CDH22: variants seen among roughly 807,000 people sequenced by gnomAD.
CDH22 encodes cadherin 22.
In CDH22, 30 loss-of-function variants were observed where a neutral mutation model predicts 58.4. The observed-to-expected ratio is 0.51, with a 90% CI of 0.38 to 0.70. The LOEUF (loss-of-function observed/expected upper bound fraction) is 0.70. CDH22 is among the 30% of genes least tolerant of loss of function. The pLI is 0.00. For synonymous variants in CDH22, 513 were observed against 558.2 expected (o/e 0.92, Z 1.14); for missense variants, 1,014 against 1,233.9 (o/e 0.82, Z 2.67).
intron 7 of CDH22, among the ~76,000 whole-genome samples, chr20:46,209,292 G>A (rs548601674): frequency 6.6e-6 from 1 of 152,312 alleles, no homozygotes; most frequent in South Asian, 2.1e-4. Context: ...TGTAGCACAG[G>A]CCCAGAGTGC....
chr20:46,246,558 G>A (rs1242653468), intron 2 of CDH22, among the ~76,000 whole-genome samples: 1 of 152,208 alleles, frequency 6.6e-6, no homozygotes, highest in Non-Finnish European at 1.5e-5. Flanking sequence ...CTTTGAGGGT[G>A]GGTGTCGTGA....
At chr20:46,235,048 C>T (rs2145720129) in intron 3 of CDH22, among the ~76,000 whole-genome samples, 1 of 152,330 alleles carries the variant, frequency 6.6e-6, no homozygotes, top group East Asian at 1.9e-4. Context: ...ACATTGGAGG[C>T]CTTGTGTATA....
At chr20:46,185,407 G>C (rs1213458055) in intron 10 of CDH22, among the ~76,000 whole-genome samples, 1 of 152,120 alleles carries the variant, frequency 6.6e-6, no homozygotes, top group African/African-American at 2.4e-5. Flanking sequence ...GAGGCAGGAA[G>C]CACACTGGAC....
At chr20:46,204,232 A>G (rs1010666536) in intron 7 of CDH22, among the ~76,000 whole-genome samples, 9 of 152,108 alleles carry the variant, frequency 5.9e-5, no homozygotes, top group Admixed American at 2.6e-4. Context: ...GTCTCTACTA[A>G]AAATACAAAA....
chr20:46,190,885 G>A (rs562532696), intron 8 of CDH22, among the ~76,000 whole-genome samples: 2 of 152,292 alleles, frequency 1.3e-5, no homozygotes, highest in Non-Finnish European at 1.5e-5. Context: ...CCAAACTCGG[G>A]GCAGGAGAAC....
chr20:46,303,164 A>G (rs2086659610), intron 1 of CDH22, among the ~76,000 whole-genome samples: 1 of 151,714 alleles, frequency 6.6e-6, no homozygotes, highest in African/African-American at 2.4e-5. Context: ...GTTTCCCATG[A>G]CTCCCACTCC....
rs746841120 is a variant in CDH22 at position 46,216,891 on chromosome 20, G to C, written c.773C>G (p.Ser258Trp). 1 of 1,610,818 alleles carries C rather than the reference G, an allele frequency of 6.2e-7. No individual in the cohort carries two copies. Among genetic ancestry groups the C allele is most frequent in the Non-Finnish European group, 8.5e-7 (1 of 1,177,510 alleles). Residue 258 changes from serine to tryptophan, a missense_variant, in exon 5 of 12, where the codon TCG becomes TGG. Physicochemically the swap from Ser to Trp is radical, Grantham distance 177. Transcript: ENST00000537909. The surrounding 1 kb of genome is among the most constrained non-coding windows in gnomAD (Gnocchi z 5.3). Reference protein sequence around the residue: ...TDMAGQLGGLSGSTTVTIVVT... With the variant: ...TDMAGQLGGLWGSTTVTIVVT... ...TACGATGGTGACGGTAGTGGAGCCC[G>C]AGAGGCCACCCAGCTGACCCGCCAT... is the stretch of plus-strand genomic sequence containing the variant.
intron 8 of CDH22, among the ~76,000 whole-genome samples, chr20:46,193,994 A>C (rs2085879917): frequency 6.6e-6 from 1 of 152,112 alleles, no homozygotes; most frequent in Non-Finnish European, 1.5e-5. Context: ...CTCTTTACCA[A>C]AAACAAACAA....
chr20:46,300,973 T>G lies in CDH22; in HGVS notation c.-400+7282A>C, dbSNP rs1218182921. On this transcript the variant is annotated intron_variant, in intron 1 of 11. Transcript: ENST00000537909. This position sits in a 1 kb window ranked among gnomAD's most constrained non-coding sequence, Gnocchi z 4.4. ...CCATGCAGCTCTTGAAAAATGATGA[T>G]GTAGATGTATATTTATCGAAATGGC... Among the ~76,000 whole-genome samples the G allele has an allele frequency of 6.6e-6, 1 of 152,094 alleles. No individual in the cohort carries two copies.
chr20:46,230,047 C>T (rs889385627), intron 3 of CDH22, among the ~76,000 whole-genome samples: 1 of 152,148 alleles, frequency 6.6e-6, no homozygotes. Context: ...CAGTGATTCA[C>T]CACTGGTTTC....
intron 4 of CDH22, among the ~76,000 whole-genome samples, chr20:46,224,246 T>G (rs1182477563): frequency 6.6e-6 from 1 of 152,240 alleles, no homozygotes; most frequent in African/African-American, 2.4e-5. Flanking sequence ...ATGCTCATCT[T>G]CTATATTCTC....
chr20:46,233,810 C>G (rs1015356490), intron 3 of CDH22, among the ~76,000 whole-genome samples: 2 of 152,274 alleles, frequency 1.3e-5, no homozygotes, highest in Non-Finnish European at 2.9e-5. Context: ...CCCGTTCCCC[C>G]CAGCACGGGT....
chr20:46,237,094 C>T (rs978610228), intron 3 of CDH22, among the ~76,000 whole-genome samples: 10 of 152,230 alleles, frequency 6.6e-5, no homozygotes, highest in African/African-American at 1.9e-4. Context: ...ATCCCCAATG[C>T]CTGAAACAGT....
At chr20:46,178,274 A>T in intron 10 of CDH22, 77 bp from the exon 11 acceptor site, 2 of 1,525,226 alleles carry the variant, frequency 1.3e-6, no homozygotes, top group Non-Finnish European at 1.8e-6. Context: ...TCCTGATTGC[A>T]TCGTGAGATT....
intron 1 of CDH22, among the ~76,000 whole-genome samples, chr20:46,297,217 G>A (rs2086632744): frequency 6.6e-6 from 1 of 152,138 alleles, no homozygotes; most frequent in Admixed American, 6.5e-5. Flanking sequence ...GGCTGAGTGA[G>A]GAGGTCAGGG....
chr20:46,188,837 G>A (rs1008695656), intron 8 of CDH22, among the ~76,000 whole-genome samples: 2 of 152,018 alleles, frequency 1.3e-5, no homozygotes, highest in Admixed American at 6.6e-5. Flanking sequence ...ACCTGCCAGT[G>A]ACCTCAGGAA....
intron 5 of CDH22, among the ~76,000 whole-genome samples, chr20:46,215,702 G>T (rs577566145): frequency 1.3e-5 from 2 of 152,238 alleles, no homozygotes; most frequent in Non-Finnish European, 2.9e-5. Context: ...AAGGAATGAC[G>T]AGCAGGAAAG....
chr20:46,233,659 T>G (rs2086234006), intron 3 of CDH22, among the ~76,000 whole-genome samples: 1 of 152,200 alleles, frequency 6.6e-6, no homozygotes, highest in Non-Finnish European at 1.5e-5. Context: ...TCATATTTGT[T>G]GGATGATTTG....
chr20:46,191,650 G>C (rs2085862752), intron 8 of CDH22, among the ~76,000 whole-genome samples: 1 of 152,192 alleles, frequency 6.6e-6, no homozygotes, highest in South Asian at 2.1e-4. Flanking sequence ...CGGGCTCAGA[G>C]GGGTGAGAAA....
Sources: allele counts gnomAD v4.1 joint callset (sites outside exome capture counted in the v4.1 genomes callset), GRCh38; gene constraint gnomAD v4.1.1; non-coding constraint Gnocchi (gnomAD v3.1); transcripts MANE v1.5; gene names NCBI Gene and HGNC (gene_info 2026-07-23, HGNC 2026-07-21).